The following ASTN2 variants were observed in gnomAD, a reference collection of about 807,000 sequenced individuals.
ASTN2 encodes the protein astrotactin-2.
In ASTN2, 54 loss-of-function variants were observed where a neutral mutation model predicts 139.8. The ratio of observed to expected loss-of-function variants is 0.39; its 90% CI spans 0.31 to 0.48. The LOEUF (loss-of-function observed/expected upper bound fraction) is 0.48. ASTN2 is among the 20% of genes least tolerant of loss of function. The probability of loss-of-function intolerance (pLI) is 0.95; values close to 1 mark genes in which losing one functional copy is unlikely to be tolerated. For missense variants in ASTN2, 1,565 were observed against 1,725.1 expected (o/e 0.91, Z 1.64); for synonymous variants, 756 against 719.5 (o/e 1.05, Z -0.81).
At chr9:116,710,832 C>T (rs930801245) in intron 16 of ASTN2, among the ~76,000 whole-genome samples, 3 of 151,124 alleles carry the variant, frequency 2.0e-5, no homozygotes, top group South Asian at 2.1e-4. Flanking sequence ...TGTGAAATGA[C>T]GTTTAATATT....
intron 19 of ASTN2, among the ~76,000 whole-genome samples, chr9:116,602,886 C>G (rs1003303790): frequency 6.6e-6 from 1 of 152,126 alleles, no homozygotes; most frequent in Non-Finnish European, 1.5e-5. Flanking sequence ...GCCGAGATCA[C>G]ACCAGTGCAC....
intron 2 of ASTN2, among the ~76,000 whole-genome samples, chr9:117,288,610 A>T (rs749436573): frequency 2.0e-5 from 3 of 152,224 alleles, no homozygotes; most frequent in Non-Finnish European, 4.4e-5. Context: ...AGACAAATCA[A>T]TTAAACTCAT....
At chr9:116,837,555 A>T (rs1832043477) in intron 11 of ASTN2, among the ~76,000 whole-genome samples, 1 of 152,146 alleles carries the variant, frequency 6.6e-6, no homozygotes, top group Non-Finnish European at 1.5e-5. Flanking sequence ...ATCATCACCA[A>T]GCCATTTGTT....
intron 2 of ASTN2, among the ~76,000 whole-genome samples, chr9:117,219,186 T>C (rs1832432120): frequency 6.6e-6 from 1 of 152,092 alleles, no homozygotes; most frequent in Non-Finnish European, 1.5e-5. Context: ...GTAGACTGTG[T>C]CCACCTGCAC....
At position 117,016,647 on chromosome 9, in the gene ASTN2, T is replaced by TGTTAC. The variant is rs1327160191; in HGVS notation, c.1424-8389_1424-8388insGTAAC. 6.7e-4 allele frequency among the ~76,000 whole-genome samples: 68 copies of TGTTAC among 101,312 alleles called. 3 individuals carry two copies. Among genetic ancestry groups the TGTTAC allele is most frequent in the East Asian group, 1.5e-3 (5 of 3,304 alleles). The allele number at this position is 101,312 out of a possible 152,430, so 66.5% of individuals were successfully genotyped here. On this transcript the variant is annotated intron_variant, in intron 6 of 22. Coordinates refer to ENST00000313400, the MANE Select transcript of ASTN2 (RefSeq NM_001365068.1). ...ATCTATATATATATATATATATATATATATATATAACCTATATATATGTTA... is the reference window on the plus strand; with the variant it reads ...ATCTATATATATATATATATATATATGTTACATATATATAACCTATATATATGTTA...
chr9:116,497,582 C>G (rs1011225154), intron 19 of ASTN2, among the ~76,000 whole-genome samples: 2 of 152,164 alleles, frequency 1.3e-5, no homozygotes, highest in African/African-American at 4.8e-5. Context: ...TAAAGCCTTC[C>G]TTTTTCTACT....
At chr9:117,035,610 C>T (rs1021849983) in intron 6 of ASTN2, among the ~76,000 whole-genome samples, 13 of 152,176 alleles carry the variant, frequency 8.5e-5, no homozygotes, top group Non-Finnish European at 1.8e-4. Flanking sequence ...GTTTCTGTAT[C>T]TGCCAAAGGT....
At chr9:117,072,057 G>C (rs1241223089) in intron 5 of ASTN2, among the ~76,000 whole-genome samples, 3 of 152,116 alleles carry the variant, frequency 2.0e-5, no homozygotes, top group Admixed American at 6.5e-5. Context: ...TACAGATTAA[G>C]ACATTGAATC....
intron 16 of ASTN2, chr9:116,686,736 C>A: frequency 6.4e-7 from 1 of 1,550,572 alleles, no homozygotes; most frequent in Non-Finnish European, 8.7e-7. Flanking sequence ...GTGTACTCCC[C>A]AAGTCTGCCT....
intron 19 of ASTN2, among the ~76,000 whole-genome samples, chr9:116,597,439 C>A (rs2093323): frequency 5.3e-5 from 8 of 151,012 alleles, no homozygotes; most frequent in Non-Finnish European, 1.0e-4. Context: ...TCCCAAGTAG[C>A]GGGCCACCAT....
At chr9:116,793,172 T>C (rs1348824095) in intron 13 of ASTN2, among the ~76,000 whole-genome samples, 1 of 152,130 alleles carries the variant, frequency 6.6e-6, no homozygotes, top group African/African-American at 2.4e-5. Flanking sequence ...ATTAACCCAA[T>C]CATTCTATTC....
intron 22 of ASTN2, among the ~76,000 whole-genome samples, chr9:116,429,665 G>T (rs1377250488): frequency 6.6e-6 from 1 of 152,100 alleles, no homozygotes; most frequent in Non-Finnish European, 1.5e-5. Context: ...ACATCATTAG[G>T]TGTATTTTGT....
At chr9:117,225,386 A>G (rs1174738980) in intron 2 of ASTN2, among the ~76,000 whole-genome samples, 2 of 151,130 alleles carry the variant, frequency 1.3e-5, no homozygotes, top group Non-Finnish European at 2.9e-5. Context: ...CATCTTTAGG[A>G]GGATTGAGTT....
chr9:116,930,719 A>G (rs1175265617), intron 10 of ASTN2, among the ~76,000 whole-genome samples: 1 of 152,116 alleles, frequency 6.6e-6, no homozygotes, highest in East Asian at 1.9e-4. Flanking sequence ...TGACTAATAA[A>G]TATTTACTGA....
chr9:116,591,564 T>C lies in ASTN2; in HGVS notation c.3355+26760A>G, dbSNP rs566635843. ...CTACTCCTAAGAACAAGAGAAATAA[T>C]AATAACTATGACTCTACCCAACAAT... On this transcript the variant is annotated intron_variant, in intron 19 of 22. Transcript: ENST00000313400. Among the ~76,000 whole-genome samples, 5 of 152,292 alleles carry C rather than the reference T, an allele frequency of 3.3e-5. No individual in the cohort carries two copies. The South Asian group carries it at 6.2e-4, about 19-fold the overall frequency.
At chr9:116,767,929 G>A (rs57929295) in intron 13 of ASTN2, among the ~76,000 whole-genome samples, 12,940 of 152,260 alleles carry the variant, frequency 0.085, 723 homozygotes, top group Middle Eastern at 0.14. Context: ...AGCAACCCAT[G>A]CAACTATTCA....
At chr9:116,658,733 C>CTTTTTTTTTTT (rs71502074) in intron 16 of ASTN2, among the ~76,000 whole-genome samples, 130 of 101,096 alleles carry the variant, frequency 1.3e-3, no homozygotes, top group East Asian at 2.6e-3. Context: ...GACCACCGCT[C>CTTTTTTTTTTT]TTTTTTTTTT....
intron 10 of ASTN2, among the ~76,000 whole-genome samples, chr9:116,880,423 A>G (rs777993938): frequency 6.6e-6 from 1 of 152,210 alleles, no homozygotes; most frequent in Non-Finnish European, 1.5e-5. Flanking sequence ...AAACTCAACT[A>G]TCATCACACC....
chr9:116,456,648 C>T (rs1329881058), intron 20 of ASTN2, among the ~76,000 whole-genome samples: 5 of 152,074 alleles, frequency 3.3e-5, no homozygotes, highest in African/African-American at 4.8e-5. Context: ...GAGGTGAACT[C>T]GTGCAGGGAA....
Sources: allele counts gnomAD v4.1 joint callset (sites outside exome capture counted in the v4.1 genomes callset), GRCh38; gene constraint gnomAD v4.1.1; transcripts MANE v1.5; gene names NCBI Gene and HGNC (gene_info 2026-07-23, HGNC 2026-07-21).